DNAJC6: variants seen among roughly 807,000 people sequenced by gnomAD.
DNAJC6 encodes auxilin.
Under a neutral mutation model 110.0 loss-of-function variants are expected in DNAJC6, and 34 were observed. The ratio of observed to expected loss-of-function variants is 0.31; its 90% confidence interval spans 0.24 to 0.41. The LOEUF (loss-of-function observed/expected upper bound fraction) is 0.41. Ranked by LOEUF, DNAJC6 falls within the 10% of genes least tolerant of loss-of-function variation. DNAJC6 has a pLI of 1.00. For synonymous variants in DNAJC6, 406 were observed against 437.2 expected (o/e 0.93, Z 0.89); for missense variants, 1,031 against 1,207.8 (o/e 0.85, Z 2.17).
intron 13 of DNAJC6, among the ~76,000 whole-genome samples, chr1:65,396,762 G>A (rs1645982410): frequency 6.6e-6 from 1 of 152,100 alleles, no homozygotes; most frequent in Non-Finnish European, 1.5e-5. Context: ...CACAAAGGCA[G>A]GGAATTTTGT....
At chr1:65,316,213 T>C (rs1019367746) in intron 1 of DNAJC6, among the ~76,000 whole-genome samples, 14 of 152,230 alleles carry the variant, frequency 9.2e-5, no homozygotes, top group Admixed American at 2.6e-4. Flanking sequence ...ACAAAACTTG[T>C]TGTCGCTCCA....
chr1:65,324,041 C>T (rs185966147), intron 1 of DNAJC6, among the ~76,000 whole-genome samples: 1 of 152,298 alleles, frequency 6.6e-6, no homozygotes, highest in Admixed American at 6.5e-5. Flanking sequence ...TGAAGTAAGG[C>T]AGTGTTGAGA....
chr1:65,329,484 G>T (rs1570284149), intron 1 of DNAJC6, among the ~76,000 whole-genome samples: 1 of 151,558 alleles, frequency 6.6e-6, no homozygotes, highest in South Asian at 2.1e-4. Context: ...ATTAAAATAT[G>T]TATAGGAATA....
intron 1 of DNAJC6, among the ~76,000 whole-genome samples, chr1:65,349,091 A>AATACATATATATAAATATATATGT (rs1557534979): frequency 1.5e-5 from 2 of 135,860 alleles, no homozygotes; most frequent in African/African-American, 5.5e-5. Flanking sequence ...TATATATGTA[A>AATACATATATATAAATATATATGT]ATATATATAT....
rs184993728 is a variant in DNAJC6 at position 65,276,696 on chromosome 1, G to A, written c.-131+11764G>A. Reference sequence around the variant, plus strand: ...CATTGTGCTTTTCATTTGCTTTCTCGTTGGCTTCTTAGCCTCTGCTCTGGG... The same window carrying A: ...CATTGTGCTTTTCATTTGCTTTCTCATTGGCTTCTTAGCCTCTGCTCTGGG... On this transcript the variant is annotated intron_variant, in intron 1 of 19. Transcript: ENST00000263441. 5.3e-5 allele frequency among the ~76,000 whole-genome samples: 8 copies of A among 152,166 alleles called. No homozygotes were observed. In the East Asian group the frequency reaches 7.7e-4, roughly 15 times the overall value.
intron 1 of DNAJC6, among the ~76,000 whole-genome samples, chr1:65,357,875 T>C (rs17127542): frequency 0.11 from 17,018 of 152,222 alleles, 1,577 homozygotes; most frequent in African/African-American, 0.24. Flanking sequence ...AACATATTTT[T>C]AATTGTAAAA....
At chr1:65,390,497 C>A (rs1393204445) in intron 11 of DNAJC6, among the ~76,000 whole-genome samples, 1 of 152,202 alleles carries the variant, frequency 6.6e-6, no homozygotes, top group Non-Finnish European at 1.5e-5. Flanking sequence ...ATAACACTTC[C>A]AGCTGCTGCC....
intron 4 of DNAJC6, among the ~76,000 whole-genome samples, chr1:65,374,977 T>TTTTC (rs1248623646): frequency 6.7e-6 from 1 of 149,084 alleles, no homozygotes; most frequent in Admixed American, 6.7e-5. Flanking sequence ...TTCTGAGGAT[T>TTTTC]TTTTTTTTTT....
chr1:65,302,127 A>T (rs200068883), intron 1 of DNAJC6, among the ~76,000 whole-genome samples: 1,335 of 17,106 alleles, frequency 0.078, 34 homozygotes, highest in African/African-American at 0.46. Context: ...TATATATAAA[A>T]AATATATATA....
At chr1:65,355,283 A>G (rs1215839915) in intron 1 of DNAJC6, among the ~76,000 whole-genome samples, 3 of 151,972 alleles carry the variant, frequency 2.0e-5, no homozygotes, top group South Asian at 2.1e-4. Context: ...AAAAAAAAAA[A>G]AAAGAAAAAG....
intron 1 of DNAJC6, among the ~76,000 whole-genome samples, chr1:65,265,691 G>C (rs1287162732): frequency 2.0e-5 from 3 of 152,222 alleles, no homozygotes; most frequent in Admixed American, 1.3e-4. Flanking sequence ...TAAATATTCT[G>C]CCGCAGTTGG....
chr1:65,394,646 T>C (rs1268421711), intron 12 of DNAJC6, among the ~76,000 whole-genome samples: 1 of 152,188 alleles, frequency 6.6e-6, no homozygotes, highest in East Asian at 1.9e-4. Flanking sequence ...GTGGGATATA[T>C]GGCTTAATAC....
intron 1 of DNAJC6, among the ~76,000 whole-genome samples, chr1:65,313,967 A>G (rs74083026): frequency 1.4e-3 from 207 of 152,318 alleles, no homozygotes; most frequent in African/African-American, 4.8e-3. Context: ...ACAAAAGTAG[A>G]ACTTTCAATA....
chr1:65,287,489 A>G (rs1000934358), intron 1 of DNAJC6, among the ~76,000 whole-genome samples: 1 of 152,036 alleles, frequency 6.6e-6, no homozygotes. Flanking sequence ...CCTTTCATTT[A>G]TTTTATCTTT....
intron 11 of DNAJC6, among the ~76,000 whole-genome samples, chr1:65,391,057 G>A (rs1436127598): frequency 6.6e-6 from 1 of 152,152 alleles, no homozygotes; most frequent in African/African-American, 2.4e-5. Context: ...TAGGAATGCA[G>A]AACTTTTTGG....
chr1:65,409,670 A>G (rs79624796), intron 17 of DNAJC6, among the ~76,000 whole-genome samples: 10,422 of 152,270 alleles, frequency 0.068, 406 homozygotes, highest in South Asian at 0.11. Context: ...CTGCAACATT[A>G]GACCTGGAGC....
intron 1 of DNAJC6, among the ~76,000 whole-genome samples, chr1:65,328,946 T>A (rs74080529): frequency 0.011 from 1,713 of 152,334 alleles, 37 homozygotes; most frequent in African/African-American, 0.038. Context: ...TGTCTGACCT[T>A]CTAAGTCTGG....
intron 1 of DNAJC6, among the ~76,000 whole-genome samples, chr1:65,291,600 A>T (rs1360581215): frequency 6.6e-6 from 1 of 152,150 alleles, no homozygotes; most frequent in Non-Finnish European, 1.5e-5. Flanking sequence ...TGCATACTTG[A>T]GTGGGATAAA....
At chr1:65,381,984 T>A (rs1271897910) in intron 5 of DNAJC6, among the ~76,000 whole-genome samples, 1 of 152,212 alleles carries the variant, frequency 6.6e-6, no homozygotes, top group Non-Finnish European at 1.5e-5. Flanking sequence ...CAATTATGGA[T>A]TTCATTTGTA....
Sources: gnomAD v4.1 joint callset for allele counts (sites outside exome capture counted in the v4.1 genomes callset) on GRCh38, gnomAD v4.1.1 for gene constraint, MANE v1.5 for transcripts, NCBI Gene and HGNC (gene_info 2026-07-23, HGNC 2026-07-21) for gene names.